PCDHA1: variants seen among roughly 807,000 people sequenced by gnomAD.
PCDHA1 encodes protocadherin alpha 1, also known as protocadherin alpha-1.
Under a neutral mutation model 61.3 loss-of-function variants are expected in PCDHA1, and 42 were observed. The ratio of observed to expected loss-of-function variants is 0.69; its 90% confidence interval spans 0.54 to 0.89. The LOEUF (loss-of-function observed/expected upper bound fraction) is 0.89, where lower values mean the gene tolerates loss of function less well. Among genes scored for constraint, PCDHA1 ranks in the 40% least tolerant of loss-of-function variants. The pLI, the probability that PCDHA1 is intolerant of heterozygous loss-of-function variation, is 0.00. For synonymous variants in PCDHA1, 610 were observed against 553.8 expected, an observed-to-expected ratio of 1.10 and a Z score of -1.43; for missense variants, 1,256 against 1,235.3, an observed-to-expected ratio of 1.02 and a Z score of -0.25.
intron 3 of PCDHA1, among the ~76,000 whole-genome samples, chr5:140,991,132 TAA>T (rs1345264253): frequency 2.0e-5 from 3 of 152,230 alleles, no homozygotes; most frequent in Non-Finnish European, 4.4e-5. Flanking sequence ...ACACAGCTAG[TAA>T]AAATGTTTTT....
chr5:140,998,679 C>G (rs969303770), intron 3 of PCDHA1, among the ~76,000 whole-genome samples: 1 of 152,136 alleles, frequency 6.6e-6, no homozygotes, highest in Non-Finnish European at 1.5e-5. Flanking sequence ...ATTCTCCTGC[C>G]TCAGCCTCCC....
chr5:140,901,100 C>G (rs1172808892), intron 1 of PCDHA1, among the ~76,000 whole-genome samples: 1 of 152,002 alleles, frequency 6.6e-6, no homozygotes, highest in East Asian at 1.9e-4. Flanking sequence ...CTTCTACATT[C>G]TGGTTATTCA....
intron 1 of PCDHA1, chr5:140,809,989 CA>C (rs1431983915): frequency 6.4e-6 from 1 of 157,120 alleles, no homozygotes; most frequent in Non-Finnish European, 1.4e-5. Context: ...ATGCACCTGC[CA>C]AATCACTTCC....
At chr5:140,799,248 C>T (rs1034788869) in intron 1 of PCDHA1, among the ~76,000 whole-genome samples, 7 of 152,016 alleles carry the variant, frequency 4.6e-5, no homozygotes, top group Non-Finnish European at 8.8e-5. Flanking sequence ...TCTTAATAAT[C>T]AGTATGGAGT....
intron 1 of PCDHA1, chr5:140,967,692 G>C (rs781940460): frequency 6.2e-7 from 1 of 1,614,196 alleles, no homozygotes; most frequent in Admixed American, 1.7e-5. Flanking sequence ...CAGCTCTTCA[G>C]CATAGATGCC....
chr5:140,936,710 A>G (rs2091103513), intron 1 of PCDHA1, among the ~76,000 whole-genome samples: 1 of 152,216 alleles, frequency 6.6e-6, no homozygotes. Flanking sequence ...TTCTTGTGCC[A>G]ATACATTCTG....
chr5:140,993,454 T>G (rs1343043993), intron 3 of PCDHA1, among the ~76,000 whole-genome samples: 1 of 133,974 alleles, frequency 7.5e-6, no homozygotes, highest in Non-Finnish European at 1.6e-5. Flanking sequence ...GTTCTCCTTC[T>G]TTCTTTCTCA....
At chr5:140,925,906 G>A (rs1181128933) in intron 1 of PCDHA1, among the ~76,000 whole-genome samples, 1 of 151,830 alleles carries the variant, frequency 6.6e-6, no homozygotes, top group Non-Finnish European at 1.5e-5. Context: ...ATCGTCAAGG[G>A]CCGTTTGCAA....
intron 1 of PCDHA1, chr5:140,830,137 G>T: frequency 1.2e-6 from 2 of 1,613,292 alleles, no homozygotes; most frequent in East Asian, 2.2e-5. Context: ...CATCACGGGC[G>T]TCGGTGGGCG....
intron 1 of PCDHA1, among the ~76,000 whole-genome samples, chr5:140,806,211 C>T (rs1763700546): frequency 6.6e-6 from 1 of 151,910 alleles, no homozygotes; most frequent in African/African-American, 2.4e-5. Context: ...TACTTATAGA[C>T]AGGACAAAAT....
chr5:140,845,180 T>C (rs1554140853), intron 1 of PCDHA1, among the ~76,000 whole-genome samples: 1 of 149,340 alleles, frequency 6.7e-6, no homozygotes, highest in Admixed American at 6.7e-5. Context: ...TTTTAGTCCT[T>C]TAAAAAATAT....
chr5:140,797,028 C>A lies in PCDHA1; in HGVS notation c.2394+8344C>A, dbSNP rs782536289. 3 of 1,613,732 alleles carry A rather than the reference C, an allele frequency of 1.9e-6. No homozygotes were observed. In the East Asian group the frequency reaches 6.7e-5, roughly 36 times the overall value. The stretch of plus-strand genomic sequence containing the variant: ...CGCGGGCGTGGGTGGGCGCCGCGGG[C>A]TCAGAGGCTACGCTGGTGGATGTCA... On this transcript the variant is annotated intron_variant, in intron 1 of 3. Coordinates refer to ENST00000504120, the MANE Select transcript of PCDHA1 (RefSeq NM_018900.4).
rs1761368396 is a variant in PCDHA1 at position 140,787,395 on chromosome 5, A to G, written c.1105A>G (p.Ile369Val). Residue 369 changes from isoleucine to valine, a missense_variant, in exon 1 of 4, where the codon ATC becomes GTC. Physicochemically the swap from Ile to Val is conservative, Grantham distance 29. Coordinates refer to ENST00000504120, the MANE Select transcript of PCDHA1 (RefSeq NM_018900.4). The part of the protein sequence containing the change: ...IREDAPLSTV[I>V]ALITVSDRDS... ...AGAGGACGCTCCACTCAGCACCGTC[A>G]TCGCCCTCATCACCGTGTCTGACCG... 2 of 1,614,238 alleles carry G rather than the reference A, an allele frequency of 1.2e-6. No individual in the cohort carries two copies. Among genetic ancestry groups the G allele is most frequent in the East Asian group, 4.5e-5 (2 of 44,884 alleles).
At chr5:140,858,318 G>T in intron 1 of PCDHA1, 1 of 1,597,070 alleles carries the variant, frequency 6.3e-7, no homozygotes, top group Non-Finnish European at 8.6e-7. Context: ...CAGAGGGTGT[G>T]TTCTGGGGAG....
rs1415226074 is a variant in PCDHA1, at chr5:140,788,560, G to A, written c.2270G>A (p.Arg757Lys). 6 of 1,614,032 alleles carry A rather than the reference G, an allele frequency of 3.7e-6. No homozygotes were observed. The highest frequency in any genetic ancestry group is 5.1e-6 in the Non-Finnish European group (6 of 1,179,988). Residue 757 changes from arginine to lysine, a missense_variant, in exon 1 of 4, where the codon AGG (arginine) becomes AAG (lysine). Arg to Lys is a conservative substitution (Grantham distance 26). Transcript: ENST00000504120. ...SWSNSQQRRQ[R>K]VCSSEGPPKT... ...TCGAACTCACAGCAGAGGCGGCAGA[G>A]GGTGTGCTCTAGCGAGGGCCCACCC...
At chr5:140,840,778 A>T (rs1277652633) in intron 1 of PCDHA1, among the ~76,000 whole-genome samples, 2 of 152,094 alleles carry the variant, frequency 1.3e-5, no homozygotes, top group Non-Finnish European at 2.9e-5. Context: ...GAAAAGTTAG[A>T]ATTATATGCT....
At chr5:140,909,505 G>A (rs2074548695) in intron 1 of PCDHA1, among the ~76,000 whole-genome samples, 1 of 152,168 alleles carries the variant, frequency 6.6e-6, no homozygotes. Flanking sequence ...GGATGTGGTG[G>A]GAATCACAAC....
At chr5:140,865,328 G>C (rs2048826529) in intron 1 of PCDHA1, 2 of 152,116 alleles carry the variant, frequency 1.3e-5, no homozygotes. Flanking sequence ...CTTTAATTCT[G>C]TGTAAAGAAA....
chr5:140,829,666 C>G, intron 1 of PCDHA1: 1 of 1,612,840 alleles, frequency 6.2e-7, no homozygotes, highest in Non-Finnish European at 8.5e-7. Context: ...CGCTGGACCA[C>G]GAGGAGCTAG....
Sources: allele counts gnomAD v4.1 joint callset (sites outside exome capture counted in the v4.1 genomes callset), GRCh38; gene constraint gnomAD v4.1.1; transcripts MANE v1.5; gene names NCBI Gene and HGNC (gene_info 2026-07-23, HGNC 2026-07-21).